TARS3: variants seen among roughly 807,000 people sequenced by gnomAD.
TARS3 encodes the protein threonine--tRNA ligase 2, cytoplasmic.
Under a neutral mutation model 103.5 loss-of-function variants are expected in TARS3, and 94 were observed. The ratio of observed to expected loss-of-function variants is 0.91; its 90% CI spans 0.77 to 1.08. The LOEUF (loss-of-function observed/expected upper bound fraction) is 1.08, where lower values mean the gene tolerates loss of function less well. Among genes scored for constraint, TARS3 ranks in the 50% least tolerant of loss-of-function variants. The pLI is 0.00. For synonymous variants in TARS3, 416 were observed against 355.4 expected, an observed-to-expected ratio of 1.17 and a Z score of -1.92; for missense variants, 952 against 995.2, an observed-to-expected ratio of 0.96 and a Z score of 0.58.
chr15:101,657,668 G>A (rs1897239539), intron 17 of TARS3, 117 bp downstream of exon 17: 14 of 590,042 alleles, frequency 2.4e-5, no homozygotes, highest in Non-Finnish European at 3.7e-5. Flanking sequence ...CTGAAAACAC[G>A]GTTTAAGCTA....
At chr15:101,695,847 G>T (rs1159504983) in intron 10 of TARS3, 2 of 151,986 alleles carry the variant, frequency 1.3e-5, no homozygotes, top group Non-Finnish European at 2.9e-5. Flanking sequence ...AGAGGTTGTG[G>T]TGAGCTGAGA....
At chr15:101,678,787 C>T (rs533259954) in intron 12 of TARS3, among the ~76,000 whole-genome samples, 6 of 152,184 alleles carry the variant, frequency 3.9e-5, no homozygotes, top group African/African-American at 1.4e-4. Flanking sequence ...CTAAAGTTCC[C>T]TGATTCCTCT....
chr15:101,663,577 C>G (rs748292913), intron 15 of TARS3, among the ~76,000 whole-genome samples: 27 of 152,302 alleles, frequency 1.8e-4, no homozygotes, highest in Admixed American at 3.3e-4. Flanking sequence ...TTCATATTTT[C>G]TATTTTGTGG....
At chr15:101,704,939 T>C (rs919113211) in intron 7 of TARS3, among the ~76,000 whole-genome samples, 1 of 152,158 alleles carries the variant, frequency 6.6e-6, no homozygotes, top group Non-Finnish European at 1.5e-5. Flanking sequence ...CAGAGAACCA[T>C]AAGTCCTTGA....
chr15:101,675,470 ATATC>A, intron 13 of TARS3, 126 bp downstream of exon 13: 1 of 800,240 alleles, frequency 1.2e-6, no homozygotes, highest in South Asian at 1.7e-5. Flanking sequence ...TACAACCTAT[ATATC>A]TATCTCATAA....
At chr15:101,677,925 C>A (rs1382280746) in intron 12 of TARS3, among the ~76,000 whole-genome samples, 25 of 152,152 alleles carry the variant, frequency 1.6e-4, no homozygotes, top group Admixed American at 1.6e-3. Flanking sequence ...TGCTACCATG[C>A]CTGGCCTTTC....
chr15:101,706,872 TA>T (rs1448092252), intron 6 of TARS3, among the ~76,000 whole-genome samples: 2 of 152,194 alleles, frequency 1.3e-5, no homozygotes, highest in African/African-American at 4.8e-5. Flanking sequence ...GTTTAGTTCT[TA>T]AAAGTAGCTG....
chr15:101,712,288 A>T (rs1263201632), intron 4 of TARS3, among the ~76,000 whole-genome samples: 2 of 152,152 alleles, frequency 1.3e-5, no homozygotes, highest in African/African-American at 4.8e-5. Flanking sequence ...CATGTCAGCC[A>T]CGAGAGATGA....
At chr15:101,697,420 C>T (rs898691723) in intron 10 of TARS3, among the ~76,000 whole-genome samples, 1 of 152,132 alleles carries the variant, frequency 6.6e-6, no homozygotes, top group Non-Finnish European at 1.5e-5. Context: ...ATGGACTTAG[C>T]TGGGGAGACG....
In TARS3 at chr15:101,677,984, A is replaced by ATT. The variant is rs34335030; in HGVS notation, c.1651-2249_1651-2248dup. On this transcript the variant is annotated intron_variant, in intron 12 of 18. Coordinates refer to ENST00000335968, the MANE Select transcript of TARS3 (RefSeq NM_152334.3). Reference sequence around the variant, plus strand: ...TGGGACTTCTTTTTTTTTGGGGGTCATTTTTTTTTTTTTTTTGAGATGGAG... The same window carrying ATT: ...TGGGACTTCTTTTTTTTTGGGGGTCATTTTTTTTTTTTTTTTTTGAGATGGAG... 5.4e-4 allele frequency among the ~76,000 whole-genome samples: 72 copies of ATT among 132,434 alleles called. 1 individual carries two copies. The highest frequency in any genetic ancestry group is 9.7e-4 in the African/African-American group (35 of 36,116). 86.9% of individuals were successfully genotyped at this position (132,434 alleles called of 152,430 possible). A position where few individuals can be genotyped will look rare whatever the true frequency, so the allele number is the denominator to read the frequency against.
intron 12 of TARS3, among the ~76,000 whole-genome samples, chr15:101,676,105 G>A (rs764060323): frequency 9.2e-5 from 14 of 152,330 alleles, no homozygotes; most frequent in South Asian, 4.1e-4. Flanking sequence ...TGAAGGCTCC[G>A]TGGACAGAGG....
intron 10 of TARS3, among the ~76,000 whole-genome samples, chr15:101,686,551 C>T (rs368485300): frequency 6.6e-6 from 1 of 151,330 alleles, no homozygotes; most frequent in African/African-American, 2.5e-5. Flanking sequence ...TCTCTCCCTC[C>T]CTACCTATTA....
At chr15:101,718,023 C>G (rs1900242023) in intron 3 of TARS3, among the ~76,000 whole-genome samples, 2 of 152,118 alleles carry the variant, frequency 1.3e-5, no homozygotes. Context: ...ATAAAACTTG[C>G]AGGCAAACCA....
intron 16 of TARS3, among the ~76,000 whole-genome samples, chr15:101,658,378 A>C (rs1006974818): frequency 2.0e-5 from 3 of 151,618 alleles, no homozygotes; most frequent in Admixed American, 6.6e-5. Flanking sequence ...GATGGCTCTT[A>C]AGGGAATTCC....
chr15:101,707,714 T>C (rs963811915), intron 6 of TARS3, among the ~76,000 whole-genome samples: 24 of 152,208 alleles, frequency 1.6e-4, no homozygotes, highest in Non-Finnish European at 2.4e-4. Context: ...AATGGGGAGC[T>C]AATGTTTAAT....
intron 3 of TARS3, 126 bp downstream of exon 3, chr15:101,721,000 G>T: frequency 1.2e-6 from 1 of 813,822 alleles, no homozygotes; most frequent in Non-Finnish European, 1.9e-6. Context: ...AAATAACCCA[G>T]TCTCAGACAT....
intron 16 of TARS3, among the ~76,000 whole-genome samples, chr15:101,658,409 C>T (rs1482840839): frequency 6.7e-6 from 1 of 148,622 alleles, no homozygotes; most frequent in African/African-American, 2.5e-5. Context: ...AAAAAAAAAG[C>T]CTACTTCAAA....
At chr15:101,686,966 G>C (rs1250656400) in intron 10 of TARS3, among the ~76,000 whole-genome samples, 2 of 151,930 alleles carry the variant, frequency 1.3e-5, no homozygotes, top group African/African-American at 4.8e-5. Context: ...AACATTTTAA[G>C]ATTACTAACA....
intron 11 of TARS3, among the ~76,000 whole-genome samples, chr15:101,684,776 TTC>T (rs1206283285): frequency 1.3e-5 from 2 of 152,234 alleles, no homozygotes; most frequent in Non-Finnish European, 2.9e-5. Context: ...AATGAAAGAC[TTC>T]TCTCCTGCAG....
Sources: gnomAD v4.1 joint callset for allele counts (sites outside exome capture counted in the v4.1 genomes callset) on GRCh38, gnomAD v4.1.1 for gene constraint, MANE v1.5 for transcripts, NCBI Gene and HGNC (gene_info 2026-07-23, HGNC 2026-07-21) for gene names.